The following B3GLCT variants were observed in gnomAD, a reference collection of about 807,000 sequenced individuals.
B3GLCT encodes the protein beta 3-glucosyltransferase.
A neutral mutation model predicts 63.4 loss-of-function variants in B3GLCT; 65 were observed. The ratio of observed to expected loss-of-function variants is 1.03; its 90% CI spans 0.84 to 1.26. B3GLCT has a LOEUF of 1.26. Among genes scored for constraint, B3GLCT ranks in the 50% most tolerant of loss-of-function variants. The pLI, the probability that B3GLCT is intolerant of heterozygous loss-of-function variation, is 0.00. For missense variants in B3GLCT, 577 were observed against 604.8 expected (o/e 0.95, Z 0.48); for synonymous variants, 233 against 219.2 (o/e 1.06, Z -0.55).
chr13:31,240,972 G>C (rs149210573), intron 4 of B3GLCT, among the ~76,000 whole-genome samples: 12 of 152,118 alleles, frequency 7.9e-5, no homozygotes, highest in Non-Finnish European at 1.5e-4. Context: ...AAATAATACT[G>C]TCCTTTTTCA....
chr13:31,284,324 C>T (rs1012614952), intron 10 of B3GLCT, among the ~76,000 whole-genome samples: 2 of 152,008 alleles, frequency 1.3e-5, no homozygotes, highest in African/African-American at 4.8e-5. Flanking sequence ...TACCGTGCTC[C>T]GTGGTAAAAG....
At chr13:31,265,005 A>T (rs1374789359) in intron 7 of B3GLCT, among the ~76,000 whole-genome samples, 1 of 152,080 alleles carries the variant, frequency 6.6e-6, no homozygotes. Flanking sequence ...TTTATCCTAA[A>T]TCTGGTTCCT....
chr13:31,229,748 C>CAA (rs1410655104), intron 4 of B3GLCT, among the ~76,000 whole-genome samples: 2 of 111,126 alleles, frequency 1.8e-5, no homozygotes, highest in African/African-American at 6.7e-5. Context: ...TCCTCTGTCT[C>CAA]AAAAAAAAAA....
chr13:31,283,949 T>C (rs919079925), intron 10 of B3GLCT, among the ~76,000 whole-genome samples: 1 of 152,186 alleles, frequency 6.6e-6, no homozygotes, highest in Non-Finnish European at 1.5e-5. Context: ...AAAGAATTAC[T>C]TGGTCAGGTG....
chr13:31,234,007 C>CT (rs57331266), intron 4 of B3GLCT, among the ~76,000 whole-genome samples: 90,112 of 147,140 alleles, frequency 0.61, 28,806 homozygotes, highest in Middle Eastern at 0.74. Flanking sequence ...GGCAGTTTTT[C>CT]TTTTTTTTTT....
intron 8 of B3GLCT, among the ~76,000 whole-genome samples, chr13:31,270,516 A>G (rs986612731): frequency 7.9e-5 from 12 of 152,228 alleles, no homozygotes; most frequent in Non-Finnish European, 1.6e-4. Flanking sequence ...TAAACATTGA[A>G]TATATACAAA....
At chr13:31,270,059 A>G (rs1872516425) in intron 8 of B3GLCT, among the ~76,000 whole-genome samples, 1 of 152,152 alleles carries the variant, frequency 6.6e-6, no homozygotes, top group Non-Finnish European at 1.5e-5. Flanking sequence ...CTGGAGCCCT[A>G]ACACTCCTGG....
intron 4 of B3GLCT, among the ~76,000 whole-genome samples, chr13:31,240,195 C>T (rs903366898): frequency 5.9e-5 from 9 of 152,096 alleles, no homozygotes; most frequent in South Asian, 2.1e-4. Flanking sequence ...GGGCAGAGGT[C>T]GGCGGGTCAG....
intron 6 of B3GLCT, among the ~76,000 whole-genome samples, chr13:31,260,250 G>GT (rs1202961646): frequency 6.6e-6 from 1 of 152,088 alleles, no homozygotes; most frequent in Non-Finnish European, 1.5e-5. Flanking sequence ...TTTCATCTCA[G>GT]TTTGCTACTG....
chr13:31,237,125 CA>C (rs56194545), intron 4 of B3GLCT, among the ~76,000 whole-genome samples: 1,726 of 139,188 alleles, frequency 0.012, 15 homozygotes, highest in Non-Finnish European at 0.019. Flanking sequence ...GACTCCATCT[CA>C]AAAAAAAAAA....
intron 1 of B3GLCT, among the ~76,000 whole-genome samples, chr13:31,213,023 T>TGTGTGTGTGTGTGCACGCGTGCGC (rs1869353695): frequency 2.7e-5 from 4 of 150,182 alleles, no homozygotes; most frequent in East Asian, 1.9e-4. Context: ...GGGCTTTGTG[T>TGTGTGTGTGTGTGCACGCGTGCGC]GTGTGTGTGT....
intron 13 of B3GLCT, among the ~76,000 whole-genome samples, chr13:31,323,298 A>G (rs2137946283): frequency 6.6e-6 from 1 of 152,314 alleles, no homozygotes; most frequent in South Asian, 2.1e-4. Flanking sequence ...CACTTGTTTG[A>G]TGCATCAAAC....
intron 1 of B3GLCT, among the ~76,000 whole-genome samples, chr13:31,212,324 G>GTCTTGTGC (rs1168364472): frequency 1.1e-4 from 16 of 148,060 alleles, no homozygotes; most frequent in African/African-American, 4.0e-4. Flanking sequence ...GCCCAGGCTG[G>GTCTTGTGC]AGTGCAGTGG....
chr13:31,299,594 T>C (rs1874126525), intron 12 of B3GLCT, among the ~76,000 whole-genome samples: 1 of 152,106 alleles, frequency 6.6e-6, no homozygotes, highest in African/African-American at 2.4e-5. Flanking sequence ...TTTTTTCTGG[T>C]GGAGAGAACA....
At chr13:31,222,598 A>T (rs1199677995) in intron 2 of B3GLCT, among the ~76,000 whole-genome samples, 3 of 152,206 alleles carry the variant, frequency 2.0e-5, no homozygotes, top group Non-Finnish European at 4.4e-5. Flanking sequence ...CTAATGCTTT[A>T]TGGTTTACAG....
chr13:31,249,540 C>T (rs1871333470), intron 6 of B3GLCT, among the ~76,000 whole-genome samples: 1 of 152,116 alleles, frequency 6.6e-6, no homozygotes, highest in African/African-American at 2.4e-5. Context: ...TTCATTTCAC[C>T]TGGAGGTTAT....
intron 14 of B3GLCT, among the ~76,000 whole-genome samples, chr13:31,324,898 G>T (rs1452901359): frequency 6.6e-6 from 1 of 151,824 alleles, no homozygotes; most frequent in African/African-American, 2.4e-5. Flanking sequence ...TAGAGATGGG[G>T]GTCTTACTAT....
chr13:31,235,612 G>A (rs7983633), intron 4 of B3GLCT, among the ~76,000 whole-genome samples: 2,330 of 152,228 alleles, frequency 0.015, 68 homozygotes, highest in African/African-American at 0.053. Context: ...TGTGGCCTGC[G>A]CACTGACCTC....
intron 4 of B3GLCT, among the ~76,000 whole-genome samples, chr13:31,240,816 C>A (rs145328362): frequency 2.6e-5 from 4 of 152,000 alleles, no homozygotes; most frequent in African/African-American, 9.7e-5. Flanking sequence ...TTATTAAATT[C>A]GAGACTTTAT....
Sources: gnomAD v4.1 joint callset for allele counts (sites outside exome capture counted in the v4.1 genomes callset) on GRCh38, gnomAD v4.1.1 for gene constraint, MANE v1.5 for transcripts, NCBI Gene and HGNC (gene_info 2026-07-23, HGNC 2026-07-21) for gene names.